Variants in DIAPH3 observed in about 807,000 individuals in gnomAD.
The protein encoded by DIAPH3 is protein diaphanous homolog 3.
DIAPH3 carries 117 observed loss-of-function variants against 144.3 expected under a neutral mutation model. The observed-to-expected ratio is 0.81, with a 90% CI of 0.70 to 0.95. The LOEUF is 0.95. Ranked by LOEUF, DIAPH3 falls within the 40% of genes least tolerant of loss-of-function variation. The pLI is 0.00. For missense variants in DIAPH3, 1,421 were observed against 1,412.7 expected, an observed-to-expected ratio of 1.01 and a Z score of -0.09; for synonymous variants, 519 against 488.9, an observed-to-expected ratio of 1.06 and a Z score of -0.81.
At chr13:59,851,884 C>T (rs969462401) in intron 22 of DIAPH3, among the ~76,000 whole-genome samples, 4 of 152,114 alleles carry the variant, frequency 2.6e-5, no homozygotes, top group African/African-American at 4.8e-5. Flanking sequence ...TCCCAAAGTG[C>T]TGGGATTACA....
At chr13:60,137,361 A>G (rs186001834) in intron 1 of DIAPH3, among the ~76,000 whole-genome samples, 413 of 152,332 alleles carry the variant, frequency 2.7e-3, no homozygotes, top group Non-Finnish European at 4.5e-3. Context: ...TAGAGCTTTC[A>G]GAGAACTGTG....
At chr13:59,860,453 T>C (rs139279251) in intron 22 of DIAPH3, among the ~76,000 whole-genome samples, 21 of 152,198 alleles carry the variant, frequency 1.4e-4, no homozygotes, top group African/African-American at 4.8e-4. Flanking sequence ...TAAATGAAAA[T>C]TGAGGCCGGG....
At chr13:59,850,706 C>A (rs535075542) in intron 22 of DIAPH3, among the ~76,000 whole-genome samples, 1 of 152,034 alleles carries the variant, frequency 6.6e-6, no homozygotes, top group East Asian at 1.9e-4. Context: ...CACCACTGAT[C>A]CCACAGAAAT....
intron 18 of DIAPH3, among the ~76,000 whole-genome samples, chr13:59,923,479 A>C (rs185734533): frequency 6.6e-6 from 1 of 152,204 alleles, no homozygotes; most frequent in Non-Finnish European, 1.5e-5. Context: ...AACACACACA[A>C]ATTATTTCTC....
At chr13:59,749,988 A>C (rs2036919806) in intron 27 of DIAPH3, among the ~76,000 whole-genome samples, 1 of 152,180 alleles carries the variant, frequency 6.6e-6, no homozygotes, top group African/African-American at 2.4e-5. Flanking sequence ...TTCAAGGAAA[A>C]CAAAATCACA....
At chr13:59,686,809 C>T (rs2033240347) in intron 27 of DIAPH3, among the ~76,000 whole-genome samples, 1 of 152,000 alleles carries the variant, frequency 6.6e-6, no homozygotes, top group Non-Finnish European at 1.5e-5. Context: ...TCAGGCAAAA[C>T]CATGTGCACC....
chr13:60,015,594 G>A (rs1290775149), intron 7 of DIAPH3, among the ~76,000 whole-genome samples: 1 of 147,618 alleles, frequency 6.8e-6, no homozygotes, highest in Non-Finnish European at 1.5e-5. Flanking sequence ...GGAAGAGTAG[G>A]ACAAAAAAGC....
intron 25 of DIAPH3, among the ~76,000 whole-genome samples, chr13:59,784,876 C>T (rs2038950502): frequency 6.6e-6 from 1 of 151,820 alleles, no homozygotes; most frequent in African/African-American, 2.4e-5. Context: ...CACACAGTTG[C>T]CCTAACATAA....
chr13:59,794,299 C>G (rs2039473731), intron 25 of DIAPH3, among the ~76,000 whole-genome samples: 1 of 152,102 alleles, frequency 6.6e-6, no homozygotes, highest in Non-Finnish European at 1.5e-5. Context: ...ACCATTTTCC[C>G]CAAACCTCTA....
chr13:59,925,945 T>TA (rs1022773030), intron 17 of DIAPH3, among the ~76,000 whole-genome samples: 14 of 152,294 alleles, frequency 9.2e-5, no homozygotes, highest in Admixed American at 5.2e-4. Context: ...CAATTTAATT[T>TA]AAAAATAAAA....
chr13:59,878,147 C>A (rs1193334338), intron 21 of DIAPH3, among the ~76,000 whole-genome samples: 1 of 152,104 alleles, frequency 6.6e-6, no homozygotes, highest in Non-Finnish European at 1.5e-5. Context: ...GCATCTGGCA[C>A]AGGACTTCAC....
intron 20 of DIAPH3, among the ~76,000 whole-genome samples, chr13:59,909,896 G>C (rs1052551997): frequency 6.6e-6 from 1 of 152,166 alleles, no homozygotes; most frequent in South Asian, 2.1e-4. Flanking sequence ...TACACTTTTT[G>C]TAAATCAAAG....
At chr13:59,937,351 G>C (rs929650938) in intron 17 of DIAPH3, among the ~76,000 whole-genome samples, 1 of 152,156 alleles carries the variant, frequency 6.6e-6, no homozygotes, top group Non-Finnish European at 1.5e-5. Flanking sequence ...TCATGAGTGA[G>C]AACTCAGTGT....
At chr13:59,881,464 A>G (rs796806743) in intron 20 of DIAPH3, among the ~76,000 whole-genome samples, 99 of 152,284 alleles carry the variant, frequency 6.5e-4, no homozygotes, top group African/African-American at 2.3e-3. Flanking sequence ...AAACATTTGT[A>G]TTACGAAATA....
At position 59,813,131 on chromosome 13, in the gene DIAPH3, C is replaced by T. The variant is rs530967177; in HGVS notation, c.3028-2208G>A. The stretch of plus-strand genomic sequence containing the variant: ...TCCTATAGCCCTGTGGGAGTACGGG[C>T]GCAGAAACCTAAAAAAAAAAAAAAG... On this transcript the variant is annotated intron_variant, in intron 24 of 27. Transcript: ENST00000400324. Among the ~76,000 whole-genome samples the T allele has an allele frequency of 1.9e-4, 28 of 150,020 alleles. 1 individual carries two copies. The highest frequency in any genetic ancestry group is 1.1e-3 in the South Asian group (5 of 4,718).
chr13:59,942,260 G>A lies in DIAPH3; in HGVS notation c.2075-17390C>T, dbSNP rs918484403. On this transcript the variant is annotated intron_variant, in intron 17 of 27. Coordinates refer to ENST00000400324, the MANE Select transcript of DIAPH3 (RefSeq NM_001042517.2). Reference sequence around the variant, plus strand: ...GTTTATTGAATTAATGTAACCCTGTGTATGTAATATACTTGACAAAAATTT... The same window carrying A: ...GTTTATTGAATTAATGTAACCCTGTATATGTAATATACTTGACAAAAATTT... Among the ~76,000 whole-genome samples, 8 of 152,108 alleles carry A rather than the reference G, an allele frequency of 5.3e-5. No homozygotes were observed. In the South Asian group the frequency reaches 8.3e-4, roughly 16 times the overall value.
intron 1 of DIAPH3, among the ~76,000 whole-genome samples, chr13:60,149,187 A>G (rs562460321): frequency 6.6e-6 from 1 of 152,352 alleles, no homozygotes; most frequent in Non-Finnish European, 1.5e-5. Flanking sequence ...CCTTCCTGAC[A>G]GAATGTGGAT....
chr13:60,023,262 G>GTTTTTCAAA (rs1204019749), intron 5 of DIAPH3, among the ~76,000 whole-genome samples: 1 of 152,108 alleles, frequency 6.6e-6, no homozygotes, highest in African/African-American at 2.4e-5. Context: ...GTGTGTTGTA[G>GTTTTTCAAA]TTTTTCAAAG....
intron 17 of DIAPH3, among the ~76,000 whole-genome samples, chr13:59,928,586 G>C (rs1175086177): frequency 1.3e-5 from 2 of 152,146 alleles, no homozygotes; most frequent in Non-Finnish European, 2.9e-5. Context: ...TAAGTAGAGT[G>C]TTTGGAGTTT....
Sources: allele counts gnomAD v4.1 joint callset (sites outside exome capture counted in the v4.1 genomes callset), GRCh38; gene constraint gnomAD v4.1.1; transcripts MANE v1.5; gene names NCBI Gene and HGNC (gene_info 2026-07-23, HGNC 2026-07-21).